The following TTC38 variants were observed in gnomAD, a reference collection of about 807,000 sequenced individuals.
TTC38 encodes the protein tetratricopeptide repeat protein 38.
A neutral mutation model predicts 64.2 loss-of-function variants in TTC38; 64 were observed. The observed-to-expected ratio is 1.00, with a 90% CI of 0.81 to 1.23. The LOEUF (loss-of-function observed/expected upper bound fraction) is 1.23. TTC38 is among the 50% of genes most tolerant of loss of function. The pLI, the probability that TTC38 is intolerant of heterozygous loss-of-function variation, is 0.00. For missense variants in TTC38, 573 were observed against 615.5 expected (o/e 0.93, Z 0.73); for synonymous variants, 254 against 249.3 (o/e 1.02, Z -0.18).
chr22:46,269,801 T>C (rs888167368), intron 2 of TTC38, among the ~76,000 whole-genome samples: 13 of 152,202 alleles, frequency 8.5e-5, no homozygotes, highest in Non-Finnish European at 1.9e-4. Flanking sequence ...ACTCGATTTG[T>C]TTTTTGTTTG....
At chr22:46,286,661 CAAAAA>C (rs75063671) in intron 9 of TTC38, among the ~76,000 whole-genome samples, 1 of 113,136 alleles carries the variant, frequency 8.8e-6, no homozygotes, top group Non-Finnish European at 1.9e-5. Context: ...GACCCTATCT[CAAAAA>C]AAAAAAAAAA....
At chr22:46,268,649 T>A in intron 2 of TTC38, 58 bp downstream of exon 2, 1 of 1,520,408 alleles carries the variant, frequency 6.6e-7, no homozygotes, top group Non-Finnish European at 9.1e-7. Context: ...GAAGGTTTTT[T>A]AATTGGGGAA....
rs61369977 is a variant in TTC38, at chr22:46,274,735, G to GTT, written c.366-499_366-498dup. Among the ~76,000 whole-genome samples the GTT allele has an allele frequency of 1.4e-5, 2 of 144,898 alleles. No individual in the cohort carries two copies. The stretch of plus-strand genomic sequence containing the variant: ...TTATCTTTGGCAATTTGTTAAACCA[G>GTT]TTTTTTTTTTTTTTTAAATTGAACT... On this transcript the variant is annotated intron_variant, in intron 4 of 13. Coordinates refer to ENST00000381031, the MANE Select transcript of TTC38 (RefSeq NM_017931.4). The surrounding 1 kb of genome is among the most constrained non-coding windows in gnomAD (Gnocchi z 4.8).
chr22:46,277,802 G>A (rs1050283347), intron 5 of TTC38, among the ~76,000 whole-genome samples: 4 of 152,292 alleles, frequency 2.6e-5, no homozygotes, highest in African/African-American at 9.6e-5. Flanking sequence ...ACTGTGTACA[G>A]CACTGCAGAA....
Position 46,281,836 on chromosome 22 carries a change from C to G in TTC38, c.735+118C>G. 7.4e-7 allele frequency: 1 copy of G among 1,348,050 alleles called. No homozygotes were observed. The highest frequency in any genetic ancestry group is 1.9e-5 in the Admixed American group (1 of 53,774). The allele number at this position is 1,348,050 out of a possible 1,614,324, so 83.5% of individuals were successfully genotyped here. On this transcript the variant is annotated intron_variant, in intron 7 of 13. Transcript: ENST00000381031. This position sits in a 1 kb window ranked among gnomAD's most constrained non-coding sequence, Gnocchi z 5.2. ...GGCTTAATTCTCGGGGTTCCCTCTC[C>G]TCCTCCACCTGCACCTGCCTCAGGT...
At chr22:46,277,040 TATACATACACACAC>T (rs1391178724) in intron 5 of TTC38, among the ~76,000 whole-genome samples, 3 of 75,508 alleles carry the variant, frequency 4.0e-5, no homozygotes, top group African/African-American at 1.6e-4. Flanking sequence ...AATACATATA[TATACATACACACAC>T]ACACACACAC....
chr22:46,268,177 G>A (rs1474139632), intron 1 of TTC38, 105 bp downstream of exon 1: 2 of 1,325,896 alleles, frequency 1.5e-6, no homozygotes, highest in Non-Finnish European at 1.0e-6. Context: ...GCGGGGCGTG[G>A]GGTGAGCCCT....
In TTC38 at chr22:46,270,863, G is replaced by A. The variant is rs370533574; in HGVS notation, c.112-1472G>A. Among the ~76,000 whole-genome samples the A allele has an allele frequency of 1.0e-4, 15 of 150,440 alleles. No homozygotes were observed. Among genetic ancestry groups the A allele is most frequent in the Admixed American group, 6.0e-4 (9 of 15,120 alleles). On this transcript the variant is annotated intron_variant, in intron 2 of 13. Coordinates refer to ENST00000381031, the MANE Select transcript of TTC38 (RefSeq NM_017931.4). This position sits in a 1 kb window ranked among gnomAD's most constrained non-coding sequence, Gnocchi z 4.7. ...AAGAAAAAAAAAAAATTAGCCGGGC[G>A]CAGTGGTGCACACCTGTAATCCCAG...
intron 6 of TTC38, among the ~76,000 whole-genome samples, chr22:46,279,299 G>T (rs1423657493): frequency 1.3e-5 from 2 of 152,164 alleles, no homozygotes; most frequent in African/African-American, 4.8e-5. Context: ...CCCATGGAGG[G>T]GCTGCCATGC....
At chr22:46,288,744 A>C (rs983696146) in intron 11 of TTC38, among the ~76,000 whole-genome samples, 156 bp downstream of exon 11, 6 of 152,048 alleles carry the variant, frequency 3.9e-5, no homozygotes, top group African/African-American at 1.4e-4. Flanking sequence ...GCACCCCTAT[A>C]GATGTGCATC....
In TTC38 at chr22:46,287,218, T is replaced by G. The variant is rs114408538; in HGVS notation, c.916+64T>G. ...CTCCCACATCATGAGGAGAGGGTGC[T>G]GTGGCCTAGGCCCAGGGTTGGGCAA... On this transcript the variant is annotated intron_variant, in intron 10 of 13. Transcript: ENST00000381031. 2.2e-3 allele frequency: 3,163 copies of G among 1,452,952 alleles called. 68 individuals carry two copies. In the African/African-American group the frequency reaches 0.039, roughly 18 times the overall value. 90.0% of individuals were successfully genotyped at this position (1,452,952 alleles called of 1,614,324 possible). A position where few individuals can be genotyped will look rare whatever the true frequency, so the allele number is the denominator to read the frequency against.
rs572480337 is a variant in TTC38 at position 46,287,659 on chromosome 22, C to T, written c.916+505C>T. On this transcript the variant is annotated intron_variant, in intron 10 of 13. Transcript: ENST00000381031. ...CCAACCACTGGGGTGCCAGATGGTTCTCCCCTTGTCTCAGGCTCAGCAGAG... is the reference window on the plus strand; with the variant it reads ...CCAACCACTGGGGTGCCAGATGGTTTTCCCCTTGTCTCAGGCTCAGCAGAG... Among the ~76,000 whole-genome samples the T allele has an allele frequency of 4.6e-5, 7 of 152,344 alleles. No individual in the cohort carries two copies. In the East Asian group the frequency reaches 1.4e-3, roughly 29 times the overall value.
intron 5 of TTC38, among the ~76,000 whole-genome samples, chr22:46,277,100 A>G (rs2077497809): frequency 6.6e-6 from 1 of 150,912 alleles, no homozygotes; most frequent in Non-Finnish European, 1.5e-5. Flanking sequence ...TTTTAAAGAT[A>G]ACTCTGGAAG....
intron 5 of TTC38, 46 bp from the exon 6 acceptor site, chr22:46,278,540 A>G (rs544449050): frequency 2.6e-6 from 4 of 1,511,294 alleles, no homozygotes; most frequent in East Asian, 2.3e-5. Flanking sequence ...TCAACCTGCT[A>G]CCCATCCATC....
rs371290105 is a variant in TTC38, at chr22:46,272,426, G to A, written c.193+10G>A. The A allele has an allele frequency of 9.3e-6, 15 of 1,609,982 alleles. No individual in the cohort carries two copies. In the East Asian group the frequency reaches 1.1e-4, roughly 12 times the overall value. ...GCAGATCCAACCTTTGGTGAGTAACGCCTTCCCTGGGTGGAGGAGCCCCGC... is the reference window on the plus strand; with the variant it reads ...GCAGATCCAACCTTTGGTGAGTAACACCTTCCCTGGGTGGAGGAGCCCCGC... On this transcript the variant is annotated intron_variant, in intron 3 of 13. Transcript: ENST00000381031. This position sits in a 1 kb window ranked among gnomAD's most constrained non-coding sequence, Gnocchi z 6.4.
intron 2 of TTC38, among the ~76,000 whole-genome samples, chr22:46,269,904 T>C (rs1936857147): frequency 6.6e-6 from 1 of 152,228 alleles, no homozygotes; most frequent in Non-Finnish European, 1.5e-5. Flanking sequence ...GCGATTGCCC[T>C]GCCTCAGCCT....
rs993465088 is a variant in TTC38 at position 46,276,826 on chromosome 22, T to A, written c.539+1405T>A. Among the ~76,000 whole-genome samples the A allele has an allele frequency of 3.8e-5, 5 of 131,542 alleles. No homozygotes were observed. The highest frequency in any genetic ancestry group is 2.2e-4 in the Admixed American group (3 of 13,558). 86.3% of individuals were successfully genotyped at this position (131,542 alleles called of 152,430 possible). ...TATATATTAAAATATATATATTAAA[T>A]ATATATATATATATAAACATATATA... On this transcript the variant is annotated intron_variant, in intron 5 of 13. Transcript: ENST00000381031. This position sits in a 1 kb window ranked among gnomAD's most constrained non-coding sequence, Gnocchi z 4.7.
intron 7 of TTC38, among the ~76,000 whole-genome samples, chr22:46,283,632 A>T (rs1050510762): frequency 6.9e-4 from 105 of 152,156 alleles, no homozygotes; most frequent in Non-Finnish European, 1.2e-3. Flanking sequence ...CGGGCGGATC[A>T]CCTGAGGTCA....
chr22:46,285,314 A>C, intron 9 of TTC38, 35 bp downstream of exon 9: 20 of 1,612,074 alleles, frequency 1.2e-5, no homozygotes, highest in Non-Finnish European at 1.7e-5. Flanking sequence ...GGTTTGTTGC[A>C]GCATTTTGCC....
Sources: allele counts gnomAD v4.1 joint callset (sites outside exome capture counted in the v4.1 genomes callset), GRCh38; gene constraint gnomAD v4.1.1; non-coding constraint Gnocchi (gnomAD v3.1); transcripts MANE v1.5; gene names NCBI Gene and HGNC (gene_info 2026-07-23, HGNC 2026-07-21).